Variants in SETD3 observed in about 807,000 individuals in gnomAD.
The protein encoded by SETD3 is actin-histidine N-methyltransferase.
A neutral mutation model predicts 63.0 loss-of-function variants in SETD3; 19 were observed. That is an observed-to-expected ratio of 0.30 (90% CI 0.21 to 0.44). SETD3 has a LOEUF of 0.44. Ranked by LOEUF, SETD3 falls within the 20% of genes least tolerant of loss-of-function variation. SETD3 has a pLI of 1.00. For synonymous variants in SETD3, 286 were observed against 264.1 expected, an observed-to-expected ratio of 1.08 and a Z score of -0.80; for missense variants, 587 against 728.5, an observed-to-expected ratio of 0.81 and a Z score of 2.24.
intron 11 of SETD3, among the ~76,000 whole-genome samples, chr14:99,402,716 A>G (rs894460144): frequency 5.9e-5 from 9 of 152,216 alleles, no homozygotes. Flanking sequence ...AGCTGGGACT[A>G]GAGGCACGTG....
intron 7 of SETD3, 28 bp from the exon 8 acceptor site, chr14:99,413,093 G>A (rs1189536188): frequency 7.1e-7 from 1 of 1,403,032 alleles, no homozygotes; most frequent in Non-Finnish European, 1.0e-6. Context: ...GTGACTTAAG[G>A]TTGGAACATT....
intron 6 of SETD3, among the ~76,000 whole-genome samples, chr14:99,436,821 T>C (rs1349459332): frequency 6.6e-6 from 1 of 152,216 alleles, no homozygotes; most frequent in East Asian, 1.9e-4. Flanking sequence ...AAGTGTTCCC[T>C]GGGTTCTTCA....
At chr14:99,401,039 T>C (rs1265367821) in intron 11 of SETD3, among the ~76,000 whole-genome samples, 3 of 151,672 alleles carry the variant, frequency 2.0e-5, no homozygotes, top group Non-Finnish European at 4.4e-5. Flanking sequence ...CTCAAGAGGC[T>C]GAGGTGCATG....
At chr14:99,457,610 T>C (rs1483311150) in intron 6 of SETD3, among the ~76,000 whole-genome samples, 1 of 152,220 alleles carries the variant, frequency 6.6e-6, no homozygotes, top group Non-Finnish European at 1.5e-5. Context: ...TCTTGAGTGA[T>C]TCAGATTGTG....
chr14:99,412,887 C>T (rs774439921), intron 8 of SETD3, 64 bp downstream of exon 8: 6 of 1,150,210 alleles, frequency 5.2e-6, no homozygotes, highest in Admixed American at 3.4e-5. Flanking sequence ...ATAACAGCCC[C>T]CTCCCAAAGC....
At chr14:99,470,223 CT>C (rs1895624724) in intron 1 of SETD3, among the ~76,000 whole-genome samples, 1 of 152,176 alleles carries the variant, frequency 6.6e-6, no homozygotes, top group Non-Finnish European at 1.5e-5. Context: ...GAAATGTGCC[CT>C]GTGGCATTAA....
intron 6 of SETD3, among the ~76,000 whole-genome samples, chr14:99,434,534 T>C (rs2139699362): frequency 6.6e-6 from 1 of 152,246 alleles, no homozygotes; most frequent in East Asian, 1.9e-4. Context: ...GTCTTCATCT[T>C]GGTTGTGCTA....
intron 6 of SETD3, among the ~76,000 whole-genome samples, chr14:99,449,697 A>G (rs952642886): frequency 1.3e-5 from 2 of 152,234 alleles, no homozygotes; most frequent in Non-Finnish European, 2.9e-5. Flanking sequence ...TGCCAGGACA[A>G]CACTGGTGAA....
chr14:99,423,503 A>C (rs1892698168), intron 6 of SETD3, among the ~76,000 whole-genome samples: 1 of 143,298 alleles, frequency 7.0e-6, no homozygotes, highest in Admixed American at 7.6e-5. Context: ...ATTTCATATT[A>C]TCTTCAGTTG....
intron 11 of SETD3, among the ~76,000 whole-genome samples, chr14:99,400,921 C>G (rs1254454576): frequency 6.6e-6 from 1 of 152,210 alleles, no homozygotes; most frequent in Non-Finnish European, 1.5e-5. Flanking sequence ...AGGTGGATCA[C>G]TTGAGCCCAG....
chr14:99,413,084 T>C lies in SETD3; in HGVS notation c.735-19A>G. 2.0e-6 allele frequency: 3 copies of C among 1,464,426 alleles called. No homozygotes were observed. The highest frequency in any genetic ancestry group is 2.9e-6 in the Non-Finnish European group (3 of 1,049,350). 90.7% of individuals were successfully genotyped at this position (1,464,426 alleles called of 1,614,324 possible). A position where few individuals can be genotyped will look rare whatever the true frequency, so the allele number is the denominator to read the frequency against. The stretch of plus-strand genomic sequence containing the variant: ...TGCCCACCTATAACAAGATAAATGG[T>C]GACTTAAGGTTGGAACATTTAAAAG... On this transcript the variant is annotated intron_variant, in intron 7 of 12. Coordinates refer to ENST00000331768, the MANE Select transcript of SETD3 (RefSeq NM_032233.3).
upstream of SETD3, chr14:99,481,164 G>A (rs146782269): frequency 1.6e-5 from 6 of 367,306 alleles, no homozygotes; most frequent in Middle Eastern, 7.0e-4. Flanking sequence ...TCCGTTAGCA[G>A]GTTCGGTTGC....
chr14:99,466,131 G>A (rs1895358262), intron 1 of SETD3, among the ~76,000 whole-genome samples: 1 of 151,916 alleles, frequency 6.6e-6, no homozygotes, highest in Admixed American at 6.5e-5. Context: ...CATATTCCAG[G>A]ATACTAGAGA....
chr14:99,437,952 C>T (rs1335152089), intron 6 of SETD3, among the ~76,000 whole-genome samples: 2 of 152,312 alleles, frequency 1.3e-5, no homozygotes, highest in South Asian at 2.1e-4. Flanking sequence ...AGAAGCCAAC[C>T]TCCTTCTGGT....
At chr14:99,441,575 C>T (rs1004905069) in intron 6 of SETD3, among the ~76,000 whole-genome samples, 3 of 152,246 alleles carry the variant, frequency 2.0e-5, no homozygotes, top group Admixed American at 6.5e-5. Context: ...GGGGTCTTCA[C>T]GGTCAGAAGA....
chr14:99,416,910 C>A (rs953524020), intron 6 of SETD3, among the ~76,000 whole-genome samples: 1 of 152,128 alleles, frequency 6.6e-6, no homozygotes, highest in African/African-American at 2.4e-5. Context: ...CCTCTTCCAG[C>A]AAAAGGAGGC....
rs71110599 is a variant in SETD3, at chr14:99,434,847, CAAAAAAAAAAA to C, written c.676-20924_676-20914del. ...GGGCAACAAGAGCAAAACTCTGCCTCAAAAAAAAAAAAAAAAAAAAAAAAAAAAACAACCTA... is the reference window on the plus strand; with the variant it reads ...GGGCAACAAGAGCAAAACTCTGCCTCAAAAAAAAAAAAAAAAAACAACCTA... On this transcript the variant is annotated intron_variant, in intron 6 of 12. Transcript: ENST00000331768. 4.0e-3 allele frequency among the ~76,000 whole-genome samples: 122 copies of C among 30,432 alleles called. 1 individual carries two copies. The highest frequency in any genetic ancestry group is 4.8e-3 in the Non-Finnish European group (85 of 17,674). The allele number at this position is 30,432 out of a possible 152,430, so 20.0% of individuals were successfully genotyped here. A position where few individuals can be genotyped will look rare whatever the true frequency, so the allele number is the denominator to read the frequency against.
chr14:99,472,734 C>T (rs1191825019), intron 1 of SETD3, among the ~76,000 whole-genome samples: 3 of 152,068 alleles, frequency 2.0e-5, no homozygotes, highest in South Asian at 4.1e-4. Flanking sequence ...AGGTACAATG[C>T]TAACTCAAAA....
chr14:99,458,378 A>G lies in SETD3; in HGVS notation c.576T>C (p.Asp192=). ...EYDTPLYFEE[D]EVRYLQSTQA... ...GTGTGGACTGAAGATACCGAACTTC[A>G]TCTTCTTCAAAGTAGAGAGGAGTGT... Residue 192 remains aspartate, a synonymous_variant, in exon 6 of 13, where the codon GAT becomes GAC. Coordinates refer to ENST00000331768, the MANE Select transcript of SETD3 (RefSeq NM_032233.3). The G allele has an allele frequency of 6.2e-7, 1 of 1,614,154 alleles. No homozygotes were observed. Among genetic ancestry groups the G allele is most frequent in the Non-Finnish European group, 8.5e-7 (1 of 1,180,020 alleles).
Sources: allele counts gnomAD v4.1 joint callset (sites outside exome capture counted in the v4.1 genomes callset), GRCh38; gene constraint gnomAD v4.1.1; transcripts MANE v1.5; gene names NCBI Gene and HGNC (gene_info 2026-07-23, HGNC 2026-07-21).